ABHD6: variants seen among roughly 807,000 people sequenced by gnomAD.
ABHD6 encodes the protein monoacylglycerol lipase ABHD6.
In ABHD6, 33 loss-of-function variants were observed where a neutral mutation model predicts 38.8. The ratio of observed to expected loss-of-function variants is 0.85; its 90% CI spans 0.64 to 1.14. The LOEUF (loss-of-function observed/expected upper bound fraction) is 1.14, where lower values mean the gene tolerates loss of function less well. Ranked by LOEUF, ABHD6 falls within the 50% of genes most tolerant of loss-of-function variation. The pLI is 0.00. For missense variants in ABHD6, 380 were observed against 422.6 expected, an observed-to-expected ratio of 0.90 and a Z score of 0.88; for synonymous variants, 147 against 161.6, an observed-to-expected ratio of 0.91 and a Z score of 0.69.
At chr3:58,276,801 A>G (rs1379345115) in intron 7 of ABHD6, among the ~76,000 whole-genome samples, 2 of 152,206 alleles carry the variant, frequency 1.3e-5, no homozygotes, top group Non-Finnish European at 2.9e-5. Context: ...ATAAGGTGTA[A>G]GGAAAGGATC....
At chr3:58,289,880 C>A in intron 9 of ABHD6, among the ~76,000 whole-genome samples, 1 of 145,078 alleles carries the variant, frequency 6.9e-6, no homozygotes, top group South Asian at 2.2e-4. Flanking sequence ...CCCCCCACCT[C>A]CCTCCCGGAC....
intron 9 of ABHD6, among the ~76,000 whole-genome samples, chr3:58,292,965 G>A (rs933974612): frequency 6.6e-6 from 1 of 152,118 alleles, no homozygotes; most frequent in Non-Finnish European, 1.5e-5. Flanking sequence ...TTCCCCTCTT[G>A]CATCCTTCCT....
In ABHD6 at chr3:58,293,538, G is replaced by T. The variant is rs367576687; in HGVS notation, c.838-51G>T. The T allele has an allele frequency of 2.2e-5, 35 of 1,596,822 alleles. No homozygotes were observed. The highest frequency in any genetic ancestry group is 6.7e-5 in the East Asian group (3 of 44,740). On this transcript the variant is annotated intron_variant, in intron 9 of 9. Coordinates refer to ENST00000478253, the MANE Select transcript of ABHD6 (RefSeq NM_001320126.2). The surrounding 1 kb of genome is among the most constrained non-coding windows in gnomAD (Gnocchi z 4.4). ...GAAGTTCTGTCCACAGAGTGCACACGTGGGTGTCTGAATCTTTGTGTATCA... is the reference window on the plus strand; with the variant it reads ...GAAGTTCTGTCCACAGAGTGCACACTTGGGTGTCTGAATCTTTGTGTATCA...
In ABHD6 at chr3:58,251,119, G is replaced by A. The variant is rs772298011; in HGVS notation, c.-26+1177G>A. 7.9e-5 allele frequency among the ~76,000 whole-genome samples: 12 copies of A among 151,978 alleles called. No homozygotes were observed. In the South Asian group the frequency reaches 1.2e-3, roughly 16 times the overall value. On this transcript the variant is annotated intron_variant, in intron 2 of 9. Transcript: ENST00000478253. This position sits in a 1 kb window ranked among gnomAD's most constrained non-coding sequence, Gnocchi z 5.4. ...GGGGATCACCTGAGGTCAGGAGTTC[G>A]AGACCAGCCCAGCATGGTGAAACCC...
chr3:58,257,975 C>G lies in ABHD6; in HGVS notation c.119+1270C>G, dbSNP rs1449709781. Among the ~76,000 whole-genome samples the G allele has an allele frequency of 6.6e-6, 1 of 152,012 alleles. No homozygotes were observed. Among genetic ancestry groups the G allele is most frequent in the African/African-American group, 2.4e-5 (1 of 41,382 alleles). On this transcript the variant is annotated intron_variant, in intron 3 of 9. Transcript: ENST00000478253. This position sits in a 1 kb window ranked among gnomAD's most constrained non-coding sequence, Gnocchi z 4.8. ...AGTATTTAAAAAGTGATATGAATATCACTCCCTTAAGTGAAAAGCTTGCCA... is the reference window on the plus strand; with the variant it reads ...AGTATTTAAAAAGTGATATGAATATGACTCCCTTAAGTGAAAAGCTTGCCA...
Position 58,285,258 on chromosome 3 carries a change from G to A in ABHD6, c.737-95G>A, listed in dbSNP as rs537647301. ...CTCTTTGGGCCCCTGAAGAGAGGAA[G>A]TGGTGGCCTGGATCTGGTGACTATC... On this transcript the variant is annotated intron_variant, in intron 8 of 9. Coordinates refer to ENST00000478253, the MANE Select transcript of ABHD6 (RefSeq NM_001320126.2). The surrounding 1 kb of genome is among the most constrained non-coding windows in gnomAD (Gnocchi z 4.9). 1.8e-3 allele frequency: 2,696 copies of A among 1,510,376 alleles called. 25 individuals are homozygous for A. In the Middle Eastern group the frequency reaches 0.031, roughly 17 times the overall value. 93.6% of individuals were successfully genotyped at this position (1,510,376 alleles called of 1,614,324 possible).
rs2097440669 is a variant in ABHD6 at position 58,266,091 on chromosome 3, G to A, written c.120-1098G>A. ...TGCTGTAAGAAGAGCTTTTAAGCTA[G>A]CCAATGCTATTATGTTCTTTACGTT... On this transcript the variant is annotated intron_variant, in intron 3 of 9. Transcript: ENST00000478253. The surrounding 1 kb of genome is among the most constrained non-coding windows in gnomAD (Gnocchi z 4.0). Among the ~76,000 whole-genome samples, 1 of 152,222 alleles carries A rather than the reference G, an allele frequency of 6.6e-6. No homozygotes were observed. The highest frequency in any genetic ancestry group is 1.5e-5 in the Non-Finnish European group (1 of 68,036).
Position 58,274,806 on chromosome 3 carries a change from G to A in ABHD6, c.672G>A (p.Val224=), listed in dbSNP as rs771719724. The change falls in exon 7 of 10, where the codon GTG becomes GTA. Residue 224 remains valine (V), a synonymous_variant. Transcript: ENST00000478253. ...LQLCSYVRFK[V]PQQILQGLVD... is the part of the protein sequence containing the mutation. ...TCTGCTCCTATGTCCGCTTCAAGGT[G>A]CCCCAGCAGGTAACGTGGTTGCAGC... The A allele has an allele frequency of 3.1e-6, 5 of 1,613,410 alleles. No homozygotes were observed. The South Asian group carries it at 5.5e-5, about 18-fold the overall frequency.
intron 5 of ABHD6, among the ~76,000 whole-genome samples, chr3:58,270,025 G>A (rs996544589): frequency 3.3e-5 from 5 of 152,170 alleles, no homozygotes; most frequent in African/African-American, 1.2e-4. Flanking sequence ...CAGGAACCTT[G>A]TCTTTTTAGC....
chr3:58,270,862 C>G, intron 5 of ABHD6, 70 bp from the exon 6 acceptor site: 1 of 1,487,500 alleles, frequency 6.7e-7, no homozygotes, highest in Non-Finnish European at 9.0e-7. Context: ...CAGGGGGCTT[C>G]TATGCTGTAG....
intron 2 of ABHD6, among the ~76,000 whole-genome samples, chr3:58,254,851 TACACACACACACACAC>T (rs58771259): frequency 4.1e-5 from 6 of 146,932 alleles, no homozygotes; most frequent in South Asian, 2.2e-4. Flanking sequence ...TATATGTGTA[TACACACACACACACAC>T]ACACACACAC....
chr3:58,252,283 C>T (rs1398303889), intron 2 of ABHD6, among the ~76,000 whole-genome samples: 3 of 118,294 alleles, frequency 2.5e-5, no homozygotes, highest in East Asian at 2.9e-4. Context: ...CCTAGGCTGT[C>T]GGCTCACTGA....
rs2097438301 is a variant in ABHD6, at chr3:58,263,242, T to C, written c.120-3947T>C. On this transcript the variant is annotated intron_variant, in intron 3 of 9. Transcript: ENST00000478253. The surrounding 1 kb of genome is among the most constrained non-coding windows in gnomAD (Gnocchi z 4.9). ...AATAAAAATAAACAAAAACAAAAAT[T>C]AGCCGAGCGTGGTGGCACACACCTG... Among the ~76,000 whole-genome samples the C allele has an allele frequency of 6.6e-6, 1 of 151,336 alleles. No homozygotes were observed. The highest frequency in any genetic ancestry group is 6.6e-5 in the Admixed American group (1 of 15,194).
chr3:58,284,470 T>TTTTTTTTTTTTTTTTTTTTTCCCA (rs2097455520), intron 7 of ABHD6, among the ~76,000 whole-genome samples: 1 of 151,874 alleles, frequency 6.6e-6, no homozygotes, highest in Non-Finnish European at 1.5e-5. Flanking sequence ...TTTTTTTTTT[T>TTTTTTTTTTTTTTTTTTTTTCCCA]GAGATAGAGT....
rs2097458055 is a variant in ABHD6 at position 58,287,123 on chromosome 3, A to G, written c.837+1670A>G. Among the ~76,000 whole-genome samples the G allele has an allele frequency of 6.6e-6, 1 of 151,428 alleles. No individual in the cohort carries two copies. The highest frequency in any genetic ancestry group is 1.5e-5 in the Non-Finnish European group (1 of 67,914). On this transcript the variant is annotated intron_variant, in intron 9 of 9. Transcript: ENST00000478253. The surrounding 1 kb of genome is among the most constrained non-coding windows in gnomAD (Gnocchi z 4.7). Reference sequence around the variant, plus strand: ...GAGATCCCATCTCTATAAAAAATAAATTTTTAAAAAAGTAGCCAAGCATGG... The same window carrying G: ...GAGATCCCATCTCTATAAAAAATAAGTTTTTAAAAAAGTAGCCAAGCATGG...
chr3:58,280,021 A>T (rs1355190626), intron 7 of ABHD6, among the ~76,000 whole-genome samples: 1 of 152,026 alleles, frequency 6.6e-6, no homozygotes. Flanking sequence ...TGCCCTTAAC[A>T]CTTTTTCCTT....
chr3:58,290,495 C>A (rs1415067429), intron 9 of ABHD6, among the ~76,000 whole-genome samples: 2 of 126,334 alleles, frequency 1.6e-5, no homozygotes, highest in Non-Finnish European at 3.3e-5. Flanking sequence ...CCCTCCCGGA[C>A]GGGGCGGCTG....
At chr3:58,262,807 C>T (rs60106186) in intron 3 of ABHD6, among the ~76,000 whole-genome samples, 36,548 of 152,096 alleles carry the variant, frequency 0.24, 4,473 homozygotes, top group Non-Finnish European at 0.25. Flanking sequence ...TGGTGGCTCA[C>T]GCCTGTAATC....
chr3:58,274,564 T>C (rs1473115135), intron 6 of ABHD6, 94 bp from the exon 7 acceptor site: 2 of 1,325,654 alleles, frequency 1.5e-6, no homozygotes, highest in Admixed American at 4.9e-5. Flanking sequence ...CTGAAATATA[T>C]TAACTCTGGG....
Sources: gnomAD v4.1 joint callset for allele counts (sites outside exome capture counted in the v4.1 genomes callset) on GRCh38, gnomAD v4.1.1 for gene constraint, Gnocchi (gnomAD v3.1) non-coding constraint, MANE v1.5 for transcripts, NCBI Gene and HGNC (gene_info 2026-07-23, HGNC 2026-07-21) for gene names.